USP7: variants seen among roughly 807,000 people sequenced by gnomAD.
USP7 encodes the protein ubiquitin C-terminal hydrolase 7.
Under a neutral mutation model 162.9 loss-of-function variants are expected in USP7, and 9 were observed. The observed-to-expected ratio is 0.06, with a 90% CI of 0.03 to 0.10. The LOEUF (loss-of-function observed/expected upper bound fraction) is 0.10. USP7 is among the 10% of genes least tolerant of loss of function. The probability of loss-of-function intolerance (pLI) is 1.00; values close to 1 mark genes in which losing one functional copy is unlikely to be tolerated. For synonymous variants in USP7, 562 were observed against 475.9 expected, an observed-to-expected ratio of 1.18 and a Z score of -2.35; for missense variants, 715 against 1,373.7, an observed-to-expected ratio of 0.52 and a Z score of 7.58.
At chr16:8,921,761 C>T (rs541058229) in intron 3 of USP7, among the ~76,000 whole-genome samples, 3 of 152,244 alleles carry the variant, frequency 2.0e-5, no homozygotes, top group East Asian at 1.9e-4. Context: ...GACGAATTCA[C>T]GATGAGGCAC....
rs1851059446 is a variant in USP7 at position 8,892,829 on chromosome 16, T to C, written c.*1169A>G. On this transcript the variant is annotated 3_prime_UTR_variant, in exon 31 of 31. Coordinates refer to ENST00000344836, the MANE Select transcript of USP7 (RefSeq NM_003470.3). ...ACAACATTTTCCAGCAAAAAGGCAA[T>C]ATACAGGAAGAGTTGGTGTACACTG... 2 of 151,932 alleles carry C rather than the reference T, an allele frequency of 1.3e-5. No homozygotes were observed. The highest frequency in any genetic ancestry group is 2.4e-5 in the African/African-American group (1 of 41,354). The allele number at this position is 151,932 out of a possible 1,614,324, so 9.4% of individuals were successfully genotyped here.
At chr16:8,915,393 T>G (rs1265156825) in intron 9 of USP7, 49 bp from the exon 10 acceptor site, 1 of 1,612,826 alleles carries the variant, frequency 6.2e-7, no homozygotes, top group Non-Finnish European at 8.5e-7. Flanking sequence ...AGTCAAAAAA[T>G]TCACATTCTA....
At chr16:8,900,675 C>A (rs751520234) in intron 20 of USP7, 45 bp from the exon 21 acceptor site, 3 of 1,407,002 alleles carry the variant, frequency 2.1e-6, no homozygotes, top group Non-Finnish European at 1.0e-6. Flanking sequence ...GTTTGTCTAA[C>A]GTTTAATATG....
At chr16:8,915,722 G>C (rs1376801313) in intron 8 of USP7, among the ~76,000 whole-genome samples, 197 bp from the exon 9 acceptor site, 1 of 152,206 alleles carries the variant, frequency 6.6e-6, no homozygotes, top group African/African-American at 2.4e-5. Context: ...ACATGCAACA[G>C]TTGAGGTTAA....
chr16:8,900,404 G>A, intron 21 of USP7, 126 bp downstream of exon 21: 2 of 586,818 alleles, frequency 3.4e-6, no homozygotes, highest in Admixed American at 3.7e-5. Flanking sequence ...CCTCTCAACA[G>A]TTACATTAAA....
chr16:8,904,198 G>C (rs1331961690), intron 15 of USP7, among the ~76,000 whole-genome samples: 2 of 152,220 alleles, frequency 1.3e-5, no homozygotes, highest in Non-Finnish European at 2.9e-5. Flanking sequence ...CTCTGGGACT[G>C]TGACCAAGCT....
At chr16:8,958,088 C>A (rs1899881326) in intron 1 of USP7, among the ~76,000 whole-genome samples, 1 of 152,174 alleles carries the variant, frequency 6.6e-6, no homozygotes, top group South Asian at 2.1e-4. Context: ...GCATCTCCCA[C>A]AAATAAATTT....
chr16:8,925,197 G>T (rs556451810), intron 2 of USP7, among the ~76,000 whole-genome samples: 4 of 152,238 alleles, frequency 2.6e-5, no homozygotes, highest in Admixed American at 2.6e-4. Flanking sequence ...GACAATAGAG[G>T]ATTTTAATAT....
chr16:8,894,511 G>A (rs762664042), intron 30 of USP7, 39 bp downstream of exon 30: 16 of 1,578,250 alleles, frequency 1.0e-5, no homozygotes, highest in Non-Finnish European at 1.4e-5. Flanking sequence ...TTCTTAGTCT[G>A]AAACCCACAC....
At chr16:8,958,218 T>TA (rs542847948) in intron 1 of USP7, among the ~76,000 whole-genome samples, 281 of 152,298 alleles carry the variant, frequency 1.8e-3, no homozygotes, top group Admixed American at 3.9e-3. Flanking sequence ...GCATGGGTCT[T>TA]ATGCAAGCCA....
intron 25 of USP7, among the ~76,000 whole-genome samples, chr16:8,897,994 C>T (rs114118349): frequency 1.1e-3 from 165 of 151,940 alleles, no homozygotes; most frequent in African/African-American, 3.8e-3. Flanking sequence ...GGGGAGTAAG[C>T]GCAGAGTCAT....
chr16:8,896,293 T>C (rs945382830), intron 26 of USP7, among the ~76,000 whole-genome samples: 1 of 152,184 alleles, frequency 6.6e-6, no homozygotes, highest in African/African-American at 2.4e-5. Context: ...ATGTACAGAC[T>C]GGGCCTCCGA....
At position 8,901,243 on chromosome 16, in the gene USP7, T is replaced by A. The variant is rs1489121012; in HGVS notation, c.2048-9A>T. 3 of 1,599,620 alleles carry A rather than the reference T, an allele frequency of 1.9e-6. No individual in the cohort carries two copies. The East Asian group carries it at 6.7e-5, about 36-fold the overall frequency. Reference sequence around the variant, plus strand: ...AAATAACATTACATCATCTACAAGGTTAATAAACAAGTTTTGTTAAGATCC... The same window carrying A: ...AAATAACATTACATCATCTACAAGGATAATAAACAAGTTTTGTTAAGATCC... On this transcript the variant is annotated splice_polypyrimidine_tract_variant and intron_variant, in intron 18 of 30. Transcript: ENST00000344836.
At position 8,895,070 on chromosome 16, in the gene USP7, G is replaced by A. The variant is rs200702953; in HGVS notation, c.3000C>T (p.Phe1000=). Residue 1000 remains phenylalanine, a synonymous_variant, in exon 28 of 31, where the codon TTC becomes TTT. Transcript: ENST00000344836. ...GCAAAAACGGGATTCCGAACGTTCC[G>A]AAGACCTCTTTGTGGAAATGCGCCA... ...VTVAHFHKEV[F]GTFGIPFLLR... 49 of 1,614,198 alleles carry A rather than the reference G, an allele frequency of 3.0e-5. No homozygotes were observed. Among genetic ancestry groups the A allele is most frequent in the East Asian group, 8.9e-5 (4 of 44,882 alleles).
rs1414501571 is a variant in USP7 at position 8,902,550 on chromosome 16, CACATATGTATAT to C, written c.1840-80_1840-69del. 3.1e-6 allele frequency: 4 copies of C among 1,270,916 alleles called. No homozygotes were observed. In the Admixed American group the frequency reaches 8.0e-5, roughly 26 times the overall value. 78.7% of individuals were successfully genotyped at this position (1,270,916 alleles called of 1,614,324 possible). On this transcript the variant is annotated intron_variant, in intron 16 of 30. Transcript: ENST00000344836. ...ATATTTTAGTCCTCTATATTACACA[CACATATGTATAT>C]ACATATACATATATATATATAGTCA...
At chr16:8,927,194 C>A (rs574072078) in intron 2 of USP7, among the ~76,000 whole-genome samples, 7 of 151,378 alleles carry the variant, frequency 4.6e-5, no homozygotes, top group Non-Finnish European at 8.8e-5. Flanking sequence ...TGGTGGCAAG[C>A]GCCTGTAGTC....
Position 8,937,213 on chromosome 16 carries a change from T to TA in USP7, c.80-6817dup, listed in dbSNP as rs113252937. On this transcript the variant is annotated intron_variant, in intron 1 of 30. Coordinates refer to ENST00000344836, the MANE Select transcript of USP7 (RefSeq NM_003470.3). ...AACACAGTGAGACTCTGTCTTTTTT[T>TA]AAAAAAAAAAGGATTAACACGAAAC... 8.9e-3 allele frequency among the ~76,000 whole-genome samples: 780 copies of TA among 87,786 alleles called. 8 individuals are homozygous for TA. Among genetic ancestry groups the TA allele is most frequent in the African/African-American group, 0.029 (727 of 25,214 alleles). 57.6% of individuals were successfully genotyped at this position (87,786 alleles called of 152,430 possible). A position where few individuals can be genotyped will look rare whatever the true frequency, so the allele number is the denominator to read the frequency against.
At position 8,901,130 on chromosome 16, in the gene USP7, C is replaced by T. The variant is rs184336355; in HGVS notation, c.2140+12G>A. 340 of 1,611,860 alleles carry T rather than the reference C, an allele frequency of 2.1e-4. 2 individuals are homozygous for T. In the African/African-American group the frequency reaches 4.1e-3, roughly 20 times the overall value. On this transcript the variant is annotated intron_variant, in intron 19 of 30. Coordinates refer to ENST00000344836, the MANE Select transcript of USP7 (RefSeq NM_003470.3). ...AAAATCTACTCAGAAGGTAAGTGCA[C>T]GAAGGACTTACGTATTTTACAGGAT...
chr16:8,931,233 G>T (rs1898314985), intron 1 of USP7, among the ~76,000 whole-genome samples: 1 of 150,138 alleles, frequency 6.7e-6, no homozygotes, highest in African/African-American at 2.5e-5. Context: ...CTGTCCCCCA[G>T]CCTGGAGTGC....
Sources: gnomAD v4.1 joint callset for allele counts (sites outside exome capture counted in the v4.1 genomes callset) on GRCh38, gnomAD v4.1.1 for gene constraint, MANE v1.5 for transcripts, NCBI Gene and HGNC (gene_info 2026-07-23, HGNC 2026-07-21) for gene names.